The following JARID2 variants were observed in gnomAD, a reference collection of about 807,000 sequenced individuals.
The protein encoded by JARID2 is protein Jumonji.
A neutral mutation model predicts 125.6 loss-of-function variants in JARID2; 21 were observed. That is an observed-to-expected ratio of 0.17 (90% CI 0.12 to 0.24). JARID2 has a LOEUF of 0.24. JARID2 is among the 10% of genes least tolerant of loss of function. The pLI, the probability that JARID2 is intolerant of heterozygous loss-of-function variation, is 1.00. For missense variants in JARID2, 1,303 were observed against 1,639.6 expected, an observed-to-expected ratio of 0.79 and a Z score of 3.55; for synonymous variants, 736 against 661.6, an observed-to-expected ratio of 1.11 and a Z score of -1.73.
At chr6:15,389,688 CA>C (rs1247974685) in intron 2 of JARID2, among the ~76,000 whole-genome samples, 1 of 152,210 alleles carries the variant, frequency 6.6e-6, no homozygotes, top group Non-Finnish European at 1.5e-5. Context: ...AAAATGTTGG[CA>C]AACTCTTCAC....
chr6:15,394,011 T>G (rs1765122910), intron 2 of JARID2, among the ~76,000 whole-genome samples: 1 of 152,146 alleles, frequency 6.6e-6, no homozygotes, highest in Non-Finnish European at 1.5e-5. Flanking sequence ...CTCGTGAAAT[T>G]ATATTTCATC....
Position 15,512,901 on chromosome 6 carries a change from G to T in JARID2, c.3136-14G>T. 6.2e-7 allele frequency: 1 copy of T among 1,613,248 alleles called. No homozygotes were observed. The highest frequency in any genetic ancestry group is 1.1e-5 in the South Asian group (1 of 90,984). ...ATGAAAATCCACCCTAAAGGGATGT[G>T]ACTCCTCTTTCAGGAAATGAAGCGT... On this transcript the variant is annotated splice_polypyrimidine_tract_variant and intron_variant, in intron 14 of 17. Coordinates refer to ENST00000341776, the MANE Select transcript of JARID2 (RefSeq NM_004973.4).
intron 2 of JARID2, among the ~76,000 whole-genome samples, chr6:15,404,312 CAGGCCCA>C (rs1333102717): frequency 2.0e-5 from 3 of 152,200 alleles, no homozygotes; most frequent in South Asian, 2.1e-4. Context: ...CCATGCCAAG[CAGGCCCA>C]AAGCCAAATC....
At chr6:15,307,872 A>T (rs553214231) in intron 1 of JARID2, among the ~76,000 whole-genome samples, 5 of 152,362 alleles carry the variant, frequency 3.3e-5, no homozygotes, top group African/African-American at 1.2e-4. Context: ...TGCATAATTC[A>T]TCGGTCCAAG....
intron 2 of JARID2, among the ~76,000 whole-genome samples, chr6:15,388,514 A>G (rs1764874017): frequency 6.6e-6 from 1 of 151,640 alleles, no homozygotes; most frequent in Non-Finnish European, 1.5e-5. Context: ...GATGATAAAA[A>G]CAGTACAAGT....
intron 3 of JARID2, among the ~76,000 whole-genome samples, chr6:15,415,750 G>C (rs559664456): frequency 7.8e-6 from 1 of 128,216 alleles, no homozygotes; most frequent in Non-Finnish European, 1.6e-5. Flanking sequence ...GGGGCTCCTC[G>C]CTTCCCAGTA....
intron 1 of JARID2, among the ~76,000 whole-genome samples, chr6:15,292,301 G>A (rs1381387208): frequency 6.6e-6 from 1 of 152,158 alleles, no homozygotes; most frequent in African/African-American, 2.4e-5. Context: ...GATTACAGGC[G>A]TGAGACACCG....
chr6:15,368,076 G>C (rs1397963310), intron 1 of JARID2, among the ~76,000 whole-genome samples: 3 of 151,942 alleles, frequency 2.0e-5, no homozygotes, highest in African/African-American at 7.3e-5. Flanking sequence ...AAGAACTCTT[G>C]GTGTAGTTAG....
At chr6:15,424,347 C>T (rs1766631334) in intron 3 of JARID2, among the ~76,000 whole-genome samples, 2 of 152,192 alleles carry the variant, frequency 1.3e-5, no homozygotes. Flanking sequence ...AGTTCTCCCT[C>T]CACAATCCTC....
At chr6:15,516,477 G>A (rs914355254) in intron 16 of JARID2, among the ~76,000 whole-genome samples, 1 of 152,212 alleles carries the variant, frequency 6.6e-6, no homozygotes, top group Non-Finnish European at 1.5e-5. Context: ...AGGCAGCAGG[G>A]TGTCCACTGG....
intron 1 of JARID2, among the ~76,000 whole-genome samples, chr6:15,285,467 A>C (rs1760961021): frequency 6.6e-6 from 1 of 152,160 alleles, no homozygotes; most frequent in Non-Finnish European, 1.5e-5. Context: ...AATTAATTAC[A>C]ATATGGGAAG....
chr6:15,518,517 CTG>C (rs1465279049), intron 17 of JARID2, among the ~76,000 whole-genome samples: 2 of 152,206 alleles, frequency 1.3e-5, no homozygotes, highest in Non-Finnish European at 2.9e-5. Flanking sequence ...GAGTCTCGCT[CTG>C]TCGCCAGGCT....
chr6:15,474,407 C>G (rs990245749), intron 5 of JARID2, among the ~76,000 whole-genome samples: 7 of 149,528 alleles, frequency 4.7e-5, no homozygotes, highest in African/African-American at 1.7e-4. Flanking sequence ...CTGTTCATTT[C>G]TTAGGAATGT....
chr6:15,517,139 G>A (rs1165431248), intron 16 of JARID2, 22 bp from the exon 17 acceptor site: 1 of 1,583,218 alleles, frequency 6.3e-7, no homozygotes, highest in Non-Finnish European at 8.7e-7. Context: ...CTGACCTTCG[G>A]GTGTCCTGCT....
chr6:15,346,665 C>A (rs534208987), intron 1 of JARID2, among the ~76,000 whole-genome samples: 3 of 151,890 alleles, frequency 2.0e-5, no homozygotes, highest in African/African-American at 7.2e-5. Context: ...TTTGTTTGTT[C>A]TGCTCTAACA....
At chr6:15,432,219 A>G (rs1001075018) in intron 3 of JARID2, among the ~76,000 whole-genome samples, 3 of 152,166 alleles carry the variant, frequency 2.0e-5, no homozygotes, top group African/African-American at 7.2e-5. Flanking sequence ...TCTTGAGGTC[A>G]GGGATTCAAG....
At chr6:15,378,016 C>T (rs963848835) in intron 2 of JARID2, among the ~76,000 whole-genome samples, 1 of 151,518 alleles carries the variant, frequency 6.6e-6, no homozygotes, top group African/African-American at 2.4e-5. Context: ...CCCAGAGTAG[C>T]TGGGATTACA....
intron 4 of JARID2, among the ~76,000 whole-genome samples, chr6:15,457,372 T>C (rs1768234431): frequency 6.6e-6 from 1 of 152,222 alleles, no homozygotes; most frequent in South Asian, 2.1e-4. Context: ...TGTTCTTTTT[T>C]CGTGCTGATT....
rs563992240 is a variant in JARID2, at chr6:15,248,092, G to T, written c.45+1508G>T. ...TTCTTTCTTATTGCGGGCGTTCAGC[G>T]GATCGTGTCTCCGAGTCCGGGCGTC... On this transcript the variant is annotated intron_variant, in intron 1 of 17. Coordinates refer to ENST00000341776, the MANE Select transcript of JARID2 (RefSeq NM_004973.4). 1.3e-3 allele frequency: 1,265 copies of T among 985,370 alleles called. 11 individuals are homozygous for T. The African/African-American group carries it at 0.02, about 16-fold the overall frequency. 61.0% of individuals were successfully genotyped at this position (985,370 alleles called of 1,614,324 possible).
Sources: allele counts gnomAD v4.1 joint callset (sites outside exome capture counted in the v4.1 genomes callset), GRCh38; gene constraint gnomAD v4.1.1; transcripts MANE v1.5; gene names NCBI Gene and HGNC (gene_info 2026-07-23, HGNC 2026-07-21).